Variants in PTPRN2 observed in about 807,000 individuals in gnomAD.
PTPRN2 encodes receptor-type tyrosine-protein phosphatase N2.
In PTPRN2, 74 loss-of-function variants were observed where a neutral mutation model predicts 118.8. The observed-to-expected ratio is 0.62, with a 90% CI of 0.52 to 0.76. PTPRN2 has a LOEUF of 0.76. Among genes scored for constraint, PTPRN2 ranks in the 30% least tolerant of loss-of-function variants. PTPRN2 has a pLI of 0.00. For missense variants in PTPRN2, 1,481 were observed against 1,394.4 expected (o/e 1.06, Z -0.99); for synonymous variants, 641 against 608.0 (o/e 1.05, Z -0.80).
rs1445301833 is a variant in PTPRN2 at position 157,803,668 on chromosome 7, C to T, written c.1788+95005G>A. 2.0e-5 allele frequency among the ~76,000 whole-genome samples: 3 copies of T among 152,194 alleles called. No homozygotes were observed. The East Asian group carries it at 5.8e-4, about 29-fold the overall frequency. Reference sequence around the variant, plus strand: ...GCATGTGGACATCCAGTTTCCCCAGCACCTGTGAAGAGGCGACCCTTCCCT... The same window carrying T: ...GCATGTGGACATCCAGTTTCCCCAGTACCTGTGAAGAGGCGACCCTTCCCT... On this transcript the variant is annotated intron_variant, in intron 12 of 22. Coordinates refer to ENST00000389418, the MANE Select transcript of PTPRN2 (RefSeq NM_002847.5).
intron 9 of PTPRN2, among the ~76,000 whole-genome samples, chr7:158,123,802 G>C (rs1327152188): frequency 6.6e-6 from 1 of 152,200 alleles, no homozygotes; most frequent in African/African-American, 2.4e-5. Context: ...GTGCCAAATA[G>C]GATCGGGAAG....
chr7:157,802,056 G>A (rs1215508847), intron 12 of PTPRN2, among the ~76,000 whole-genome samples: 1 of 152,090 alleles, frequency 6.6e-6, no homozygotes, highest in African/African-American at 2.4e-5. Flanking sequence ...GTCCCTCTCC[G>A]ACTCCGCTTC....
intron 6 of PTPRN2, among the ~76,000 whole-genome samples, chr7:158,150,197 A>C (rs997528172): frequency 6.6e-6 from 1 of 152,224 alleles, no homozygotes; most frequent in Non-Finnish European, 1.5e-5. Context: ...TGTGAGACCC[A>C]CCTTCATGCT....
At chr7:157,731,519 TTC>T (rs1289583964) in intron 12 of PTPRN2, among the ~76,000 whole-genome samples, 48 of 121,058 alleles carry the variant, frequency 4.0e-4, no homozygotes, top group South Asian at 4.7e-4. Context: ...CAGTTACCCT[TTC>T]CCGTCCCATG....
intron 11 of PTPRN2, among the ~76,000 whole-genome samples, chr7:158,019,156 G>A (rs1806677919): frequency 6.6e-6 from 1 of 152,180 alleles, no homozygotes; most frequent in African/African-American, 2.4e-5. Context: ...GCTCACGCAG[G>A]CCCATCCTCC....
chr7:158,473,828 A>C (rs971089627), intron 2 of PTPRN2, among the ~76,000 whole-genome samples: 7 of 152,250 alleles, frequency 4.6e-5, no homozygotes, highest in African/African-American at 1.7e-4. Context: ...AAATAGCTTA[A>C]AAACCAAATG....
chr7:157,693,661 C>T (rs1025111699), intron 12 of PTPRN2, among the ~76,000 whole-genome samples: 50 of 152,204 alleles, frequency 3.3e-4, no homozygotes, highest in African/African-American at 1.1e-3. Context: ...GCTGGGGAAC[C>T]GCGCGTCGCC....
chr7:158,329,508 C>A (rs923869762), intron 2 of PTPRN2, among the ~76,000 whole-genome samples: 4 of 152,094 alleles, frequency 2.6e-5, no homozygotes, highest in African/African-American at 9.7e-5. Context: ...GCTCACGCTC[C>A]AGCCACATGA....
intron 11 of PTPRN2, among the ~76,000 whole-genome samples, chr7:157,993,845 G>C (rs200168558): frequency 6.6e-6 from 1 of 152,064 alleles, no homozygotes; most frequent in East Asian, 1.9e-4. Flanking sequence ...AGAGCTGGAC[G>C]ATCTCTCCCT....
chr7:157,644,114 C>T (rs35238936), intron 14 of PTPRN2, among the ~76,000 whole-genome samples: 57,857 of 149,474 alleles, frequency 0.39, 11,549 homozygotes, highest in Middle Eastern at 0.5. Context: ...CAGGTTACCC[C>T]GCAACATAAC....
At position 157,893,664 on chromosome 7, in the gene PTPRN2, T is replaced by C. The variant is rs1456069930; in HGVS notation, c.1788+5009A>G. Among the ~76,000 whole-genome samples, 5 of 151,978 alleles carry C rather than the reference T, an allele frequency of 3.3e-5. No individual in the cohort carries two copies. The highest frequency in any genetic ancestry group is 1.2e-4 in the African/African-American group (5 of 41,372). On this transcript the variant is annotated intron_variant, in intron 12 of 22. Coordinates refer to ENST00000389418, the MANE Select transcript of PTPRN2 (RefSeq NM_002847.5). The surrounding 1 kb of genome is among the most constrained non-coding windows in gnomAD (Gnocchi z 4.0). ...TTTAAGTGTGAGGCTCCTCTACAGA[T>C]CTCCCAGGAGAGAAAAGGAGGACAC...
intron 1 of PTPRN2, among the ~76,000 whole-genome samples, chr7:158,566,487 G>C (rs980412842): frequency 1.2e-4 from 19 of 152,202 alleles, no homozygotes; most frequent in African/African-American, 3.4e-4. Flanking sequence ...GCAGCCCCGG[G>C]CCAGGCATCC....
chr7:158,105,277 T>C (rs1815591687), intron 10 of PTPRN2, among the ~76,000 whole-genome samples: 1 of 149,298 alleles, frequency 6.7e-6, no homozygotes, highest in South Asian at 2.2e-4. Context: ...TCCACTCAGC[T>C]CCATCAAACT....
At chr7:158,146,408 C>G (rs561821029) in intron 6 of PTPRN2, among the ~76,000 whole-genome samples, 1 of 152,202 alleles carries the variant, frequency 6.6e-6, no homozygotes, top group South Asian at 2.1e-4. Flanking sequence ...GTGATCAAAG[C>G]CTGGGAACAA....
intron 11 of PTPRN2, among the ~76,000 whole-genome samples, chr7:157,905,266 T>C (rs1797707059): frequency 6.6e-6 from 1 of 152,158 alleles, no homozygotes; most frequent in African/African-American, 2.4e-5. Context: ...CTGCTGAACA[T>C]GTTGAAGGAG....
At chr7:158,501,415 G>A (rs913422830) in intron 1 of PTPRN2, among the ~76,000 whole-genome samples, 5 of 152,208 alleles carry the variant, frequency 3.3e-5, no homozygotes, top group African/African-American at 1.2e-4. Flanking sequence ...CTGCACCCAG[G>A]ACGTGATCAA....
At chr7:157,875,862 G>A (rs1040681376) in intron 12 of PTPRN2, among the ~76,000 whole-genome samples, 1 of 150,306 alleles carries the variant, frequency 6.7e-6, no homozygotes, top group South Asian at 2.1e-4. Context: ...GGCAGGCACG[G>A]GGCTGCAGAG....
At chr7:157,993,626 T>C (rs1345295832) in intron 11 of PTPRN2, among the ~76,000 whole-genome samples, 1 of 151,802 alleles carries the variant, frequency 6.6e-6, no homozygotes, top group East Asian at 1.9e-4. Context: ...TGTCCCTGAG[T>C]CCCCGCCCTG....
intron 2 of PTPRN2, among the ~76,000 whole-genome samples, chr7:158,478,834 C>T (rs1226173226): frequency 2.6e-5 from 4 of 152,146 alleles, no homozygotes; most frequent in Non-Finnish European, 5.9e-5. Flanking sequence ...TGACAAGGAG[C>T]TCCTACACAG....
Sources: gnomAD v4.1 joint callset for allele counts (sites outside exome capture counted in the v4.1 genomes callset) on GRCh38, gnomAD v4.1.1 for gene constraint, Gnocchi (gnomAD v3.1) non-coding constraint, MANE v1.5 for transcripts, NCBI Gene and HGNC (gene_info 2026-07-23, HGNC 2026-07-21) for gene names.